The following APOL4 variants were observed in gnomAD, a reference collection of about 807,000 sequenced individuals.
The protein encoded by APOL4 is apolipoprotein L4, also known as apolipoprotein L, 4.
A neutral mutation model predicts 12.1 loss-of-function variants in APOL4; 14 were observed. The ratio of observed to expected loss-of-function variants is 1.16; its 90% CI spans 0.76 to 1.81. The LOEUF (loss-of-function observed/expected upper bound fraction) is 1.81. APOL4 is among the 40% of genes most tolerant of loss of function. APOL4 has a pLI of 0.00. For synonymous variants in APOL4, 171 were observed against 160.6 expected (o/e 1.06, Z -0.49); for missense variants, 432 against 423.1 (o/e 1.02, Z -0.18).
At chr22:36,194,354 T>C (rs1339941791) in intron 3 of APOL4, among the ~76,000 whole-genome samples, 1 of 152,010 alleles carries the variant, frequency 6.6e-6, no homozygotes, top group Non-Finnish European at 1.5e-5. Flanking sequence ...TACTCACGGG[T>C]CTTCTGCAAG....
In APOL4 at chr22:36,199,231, T is replaced by C; in HGVS notation, c.82+99A>G. 2.6e-6 allele frequency: 4 copies of C among 1,531,992 alleles called. No homozygotes were observed. In the South Asian group the frequency reaches 4.5e-5, roughly 17 times the overall value. 94.9% of individuals were successfully genotyped at this position (1,531,992 alleles called of 1,614,324 possible). A position where few individuals can be genotyped will look rare whatever the true frequency, so the allele number is the denominator to read the frequency against. ...CCGTCTGGGTTCCGTTGGGGCTCAC[T>C]CAGCCTTGAAGACACCACCCTCCAT... is the stretch of plus-strand genomic sequence containing the variant. On this transcript the variant is annotated intron_variant, in intron 2 of 3. Transcript: ENST00000683024.
intron 1 of APOL4, among the ~76,000 whole-genome samples, chr22:36,201,188 G>A (rs2014561772): frequency 6.6e-6 from 1 of 150,850 alleles, no homozygotes; most frequent in South Asian, 2.1e-4. Flanking sequence ...CCAGTTAGGG[G>A]CGGCTCCAAG....
chr22:36,201,442 C>T, intron 1 of APOL4: 1 of 943,384 alleles, frequency 1.1e-6, no homozygotes, highest in Middle Eastern at 3.5e-4. Context: ...TCTGGGGCCC[C>T]CATGCAACAA....
chr22:36,200,686 T>C (rs956453051), intron 1 of APOL4, among the ~76,000 whole-genome samples: 1 of 152,246 alleles, frequency 6.6e-6, no homozygotes, highest in African/African-American at 2.4e-5. Flanking sequence ...GGTCAGAGGG[T>C]ATCAACATCT....
At chr22:36,200,264 CA>C in intron 1 of APOL4, among the ~76,000 whole-genome samples, 1 of 152,344 alleles carries the variant, frequency 6.6e-6, no homozygotes, top group East Asian at 1.9e-4. Flanking sequence ...GCTTCAACCT[CA>C]TGTCTTCAAT....
chr22:36,199,190 G>A, intron 2 of APOL4, 140 bp downstream of exon 2: 2 of 1,186,670 alleles, frequency 1.7e-6, no homozygotes, highest in Admixed American at 3.6e-5. Context: ...GCTTGGGGCA[G>A]CCTCATCAGC....
intron 3 of APOL4, 73 bp downstream of exon 3, chr22:36,195,238 A>C: frequency 1.3e-6 from 2 of 1,549,220 alleles, no homozygotes; most frequent in Non-Finnish European, 1.7e-6. Flanking sequence ...TGTGCCTGCC[A>C]GAGAAAACTA....
At position 36,201,748 on chromosome 22, in the gene APOL4, T is replaced by G. The variant is rs1446515196; in HGVS notation, c.-14A>C. 4 of 1,605,300 alleles carry G rather than the reference T, an allele frequency of 2.5e-6. No individual in the cohort carries two copies. In the South Asian group the frequency reaches 4.5e-5, roughly 18 times the overall value. On this transcript the variant is annotated 5_prime_UTR_variant, in exon 1 of 4. Coordinates refer to ENST00000683024, the MANE Select transcript of APOL4 (RefSeq NM_001386885.1). ...CCAGGATCCCATCCTCCTTGGTCAT[T>G]GTTGGCCTGGCTCAGACGCTGATCT... is the stretch of plus-strand genomic sequence containing the variant.
At chr22:36,200,344 C>G (rs987818632) in intron 1 of APOL4, among the ~76,000 whole-genome samples, 2 of 152,220 alleles carry the variant, frequency 1.3e-5, no homozygotes, top group Admixed American at 1.3e-4. Flanking sequence ...AATGACTCCT[C>G]ATTGCAAATC....
At chr22:36,197,595 C>T (rs9610441) in intron 2 of APOL4, 3 of 1,475,614 alleles carry the variant, frequency 2.0e-6, no homozygotes, top group Non-Finnish European at 2.7e-6. Context: ...CCCCATGAAA[C>T]TGCAAGCTAT....
Position 36,191,624 on chromosome 22 carries a change from C to G in APOL4, c.498G>C (p.Leu166=). The part of the protein sequence containing the change: ...MLAPFTAGLS[L]SITAAGVGLG... ...GCCCTACCCCAGCTGCAGTAATGCT[C>G]AGGCTCAGCCCTGCTGTAAATGGTG... The change falls in exon 4 of 4, where the codon CTG becomes CTC. Residue 166 remains leucine (L), a synonymous_variant. Coordinates refer to ENST00000683024, the MANE Select transcript of APOL4 (RefSeq NM_001386885.1). 1 of 1,613,762 alleles carries G rather than the reference C, an allele frequency of 6.2e-7. No individual in the cohort carries two copies. Among genetic ancestry groups the G allele is most frequent in the Non-Finnish European group, 8.5e-7 (1 of 1,179,748 alleles).
At chr22:36,197,806 G>T in intron 2 of APOL4, 3 of 1,549,794 alleles carry the variant, frequency 1.9e-6, no homozygotes, top group Non-Finnish European at 2.6e-6. Flanking sequence ...TGTAGGGACA[G>T]GGGGAGGGGA....
intron 2 of APOL4, among the ~76,000 whole-genome samples, chr22:36,196,373 C>T (rs2014413477): frequency 6.6e-6 from 1 of 152,154 alleles, no homozygotes; most frequent in South Asian, 2.1e-4. Context: ...TTTAGGATGG[C>T]AGCATTTTCA....
At chr22:36,204,758 G>C (rs914866322), upstream of APOL4, 3 of 289,798 alleles carry the variant, frequency 1.0e-5, no homozygotes, top group African/African-American at 2.2e-5. Context: ...CCAGGAATTC[G>C]AAAGGTAAAA....
chr22:36,194,527 C>T (rs775131278), intron 3 of APOL4, among the ~76,000 whole-genome samples: 20 of 152,148 alleles, frequency 1.3e-4, no homozygotes, highest in Middle Eastern at 3.2e-3. Flanking sequence ...GGTCTTTGGG[C>T]GGCATCATGC....
At chr22:36,203,976 G>A (rs2014660163), upstream of APOL4, among the ~76,000 whole-genome samples, 1 of 152,174 alleles carries the variant, frequency 6.6e-6, no homozygotes, top group African/African-American at 2.4e-5. Context: ...CACCCCAGAG[G>A]TCTGAACAGA....
chr22:36,202,950 G>T (rs1391309699), upstream of APOL4, among the ~76,000 whole-genome samples: 1 of 151,954 alleles, frequency 6.6e-6, no homozygotes, highest in Non-Finnish European at 1.5e-5. Context: ...AAGAAAAACG[G>T]GTGATTTTAG....
chr22:36,196,794 T>C (rs978092544), intron 2 of APOL4, among the ~76,000 whole-genome samples: 1 of 152,166 alleles, frequency 6.6e-6, no homozygotes. Context: ...AGCTCAGGAT[T>C]TGACTCAAGG....
rs1377669888 is a variant in APOL4, at chr22:36,195,774, T to TCA, written c.83-338_83-337insTG. Among the ~76,000 whole-genome samples, 422 of 65,932 alleles carry TCA rather than the reference T, an allele frequency of 6.4e-3. 2 individuals are homozygous for TCA. The highest frequency in any genetic ancestry group is 0.046 in the Middle Eastern group (5 of 108). 43.3% of individuals were successfully genotyped at this position (65,932 alleles called of 152,430 possible). A position where few individuals can be genotyped will look rare whatever the true frequency, so the allele number is the denominator to read the frequency against. ...CTCTCTCTCTCTCTCTCTCTCTCTC[T>TCA]CTCACACACACACACACACACACAC... On this transcript the variant is annotated intron_variant, in intron 2 of 3. Coordinates refer to ENST00000683024, the MANE Select transcript of APOL4 (RefSeq NM_001386885.1).
Sources: allele counts gnomAD v4.1 joint callset (sites outside exome capture counted in the v4.1 genomes callset), GRCh38; gene constraint gnomAD v4.1.1; transcripts MANE v1.5; gene names NCBI Gene and HGNC (gene_info 2026-07-23, HGNC 2026-07-21).